Variants in VWF observed in about 807,000 individuals in gnomAD.
VWF encodes the protein von Willebrand factor.
A neutral mutation model predicts 308.6 loss-of-function variants in VWF; 176 were observed. That is an observed-to-expected ratio of 0.57 (90% CI 0.50 to 0.65). The LOEUF is 0.65. Among genes scored for constraint, VWF ranks in the 30% least tolerant of loss-of-function variants. VWF has a pLI of 0.00. For missense variants in VWF, 3,146 were observed against 3,648.2 expected, an observed-to-expected ratio of 0.86 and a Z score of 3.55; for synonymous variants, 1,385 against 1,443.4, an observed-to-expected ratio of 0.96 and a Z score of 0.92.
chr12:6,021,158 T>C (rs1195403971), intron 27 of VWF: 1 of 152,404 alleles, frequency 6.6e-6, no homozygotes, highest in African/African-American at 2.4e-5. Context: ...GTACAGATGG[T>C]GGCGGCAGGA....
intron 18 of VWF, among the ~76,000 whole-genome samples, chr12:6,041,747 GA>G (rs1385628018): frequency 4.6e-5 from 7 of 152,142 alleles, no homozygotes; most frequent in Non-Finnish European, 1.0e-4. Flanking sequence ...GCGCCCAGCT[GA>G]AAATATTTTT....
intron 34 of VWF, among the ~76,000 whole-genome samples, chr12:6,010,641 GTAACC>G (rs1325759580): frequency 6.6e-6 from 1 of 152,210 alleles, no homozygotes; most frequent in African/African-American, 2.4e-5. Flanking sequence ...GAACAGTTGG[GTAACC>G]TATGGTACAC....
intron 34 of VWF, 59 bp from the exon 35 acceptor site, chr12:5,996,281 A>C: frequency 2.7e-6 from 4 of 1,509,176 alleles, no homozygotes; most frequent in East Asian, 2.4e-5. Flanking sequence ...TGCCTACTAC[A>C]TGCAGACAGG....
At chr12:6,014,504 G>C (rs1342321643) in intron 31 of VWF, among the ~76,000 whole-genome samples, 4 of 152,180 alleles carry the variant, frequency 2.6e-5, no homozygotes, top group Admixed American at 6.5e-5. Context: ...GACTCTCGAA[G>C]TATTTTGAAG....
At chr12:6,003,350 A>G (rs1008855322) in intron 34 of VWF, among the ~76,000 whole-genome samples, 9 of 152,198 alleles carry the variant, frequency 5.9e-5, no homozygotes, top group African/African-American at 2.2e-4. Context: ...ATAGAGCTGT[A>G]TAAGAGCAGA....
intron 20 of VWF, among the ~76,000 whole-genome samples, chr12:6,032,221 A>T (rs1257294575): frequency 2.0e-5 from 3 of 152,156 alleles, no homozygotes; most frequent in African/African-American, 7.2e-5. Flanking sequence ...AAAATGTTCA[A>T]CTTAGAAAAA....
At position 5,976,136 on chromosome 12, in the gene VWF, T is replaced by C; in HGVS notation, c.7412A>G (p.Lys2471Arg). ...MGLRVAQCSQ[K>R]PCEDSCRSGF... ...CGACCGACAGCTGTCCTCACAGGGC[T>C]TCTGGGAGCACTGGGCCACGCGGAG... Residue 2471 changes from lysine to arginine, a missense_variant, in exon 43 of 52, where the codon AAG becomes AGG. By Grantham distance (26) the Lys-to-Arg change is conservative (BLOSUM62 2). Coordinates refer to ENST00000261405, the MANE Select transcript of VWF (RefSeq NM_000552.5). 5 of 1,613,956 alleles carry C rather than the reference T, an allele frequency of 3.1e-6. No homozygotes were observed. Among genetic ancestry groups the C allele is most frequent in the Non-Finnish European group, 4.2e-6 (5 of 1,180,036 alleles).
intron 20 of VWF, among the ~76,000 whole-genome samples, chr12:6,032,094 T>A (rs914766319): frequency 6.6e-6 from 1 of 152,178 alleles, no homozygotes; most frequent in African/African-American, 2.4e-5. Flanking sequence ...GTAGAGAGGA[T>A]AAGGAGCTCT....
At chr12:6,111,057 T>G (rs1468287279) in intron 3 of VWF, 89 bp from the exon 4 acceptor site, 1 of 1,278,732 alleles carries the variant, frequency 7.8e-7, no homozygotes, top group Non-Finnish European at 1.1e-6. Context: ...CGTAACCTTT[T>G]CTCAGCAGAA....
chr12:5,988,444 G>A (rs887529623), intron 38 of VWF, among the ~76,000 whole-genome samples: 1 of 152,160 alleles, frequency 6.6e-6, no homozygotes, highest in South Asian at 2.1e-4. Context: ...GAAGGAGAGA[G>A]TCATGTTCTG....
At chr12:5,949,242 TG>T in intron 51 of VWF, 39 bp from the exon 52 acceptor site, 2 of 1,603,730 alleles carry the variant, frequency 1.2e-6, no homozygotes. Flanking sequence ...TTCACAATGG[TG>T]GGAAGTCCTG....
At chr12:6,048,502 GC>G (rs1256082648) in intron 16 of VWF, among the ~76,000 whole-genome samples, 1 of 138,262 alleles carries the variant, frequency 7.2e-6, no homozygotes, top group African/African-American at 2.8e-5. Flanking sequence ...TTACTCTGTC[GC>G]CCAGGCTGGA....
intron 42 of VWF, among the ~76,000 whole-genome samples, 175 bp from the exon 43 acceptor site, chr12:5,976,435 T>C (rs1031026741): frequency 6.6e-6 from 1 of 152,088 alleles, no homozygotes; most frequent in African/African-American, 2.4e-5. Flanking sequence ...TCCTCCTCCT[T>C]TCCCTGCCCA....
intron 34 of VWF, among the ~76,000 whole-genome samples, chr12:6,002,487 A>G (rs375424634): frequency 1.9e-4 from 29 of 152,198 alleles, no homozygotes; most frequent in South Asian, 1.2e-3. Flanking sequence ...ACAAAATTTT[A>G]GTTTAAAAAA....
chr12:5,969,832 G>A (rs1297534227), intron 44 of VWF, among the ~76,000 whole-genome samples: 1 of 152,322 alleles, frequency 6.6e-6, no homozygotes. Context: ...GACCCCTGCA[G>A]CCCTGCAATC....
chr12:6,108,367 A>AC (rs1555076037), intron 5 of VWF, among the ~76,000 whole-genome samples: 47 of 150,494 alleles, frequency 3.1e-4, no homozygotes, highest in South Asian at 4.2e-4. Flanking sequence ...ACACACACAC[A>AC]AAGCAAAATT....
intron 15 of VWF, among the ~76,000 whole-genome samples, chr12:6,053,129 T>C (rs914297568): frequency 2.0e-5 from 3 of 152,222 alleles, no homozygotes; most frequent in African/African-American, 7.2e-5. Flanking sequence ...TAGTCATCTC[T>C]GAATTCTCAA....
chr12:6,105,640 A>G (rs1191261422), intron 5 of VWF, among the ~76,000 whole-genome samples: 1 of 152,234 alleles, frequency 6.6e-6, no homozygotes, highest in Non-Finnish European at 1.5e-5. Flanking sequence ...TGTAAAAGGA[A>G]TATTTTAAAA....
intron 17 of VWF, among the ~76,000 whole-genome samples, chr12:6,045,453 G>A (rs1209113298): frequency 2.6e-5 from 4 of 152,242 alleles, no homozygotes; most frequent in African/African-American, 9.6e-5. Context: ...CTGAGCAGAA[G>A]CACGGAAGGT....
Sources: allele counts gnomAD v4.1 joint callset (sites outside exome capture counted in the v4.1 genomes callset), GRCh38; gene constraint gnomAD v4.1.1; transcripts MANE v1.5; gene names NCBI Gene and HGNC (gene_info 2026-07-23, HGNC 2026-07-21).